The following NOP9 variants were observed in gnomAD, a reference collection of about 807,000 sequenced individuals.
NOP9 encodes the protein nucleolar protein 9.
In NOP9, 50 loss-of-function variants were observed where a neutral mutation model predicts 63.0. The observed-to-expected ratio is 0.79, with a 90% CI of 0.63 to 1.00. The LOEUF (loss-of-function observed/expected upper bound fraction) is 1.00, where lower values mean the gene tolerates loss of function less well. NOP9 is among the 50% of genes least tolerant of loss of function. The probability of loss-of-function intolerance (pLI) is 0.00; values close to 1 mark genes in which losing one functional copy is unlikely to be tolerated. For missense variants in NOP9, 758 were observed against 803.0 expected (o/e 0.94, Z 0.68); for synonymous variants, 343 against 332.8 (o/e 1.03, Z -0.33).
Position 24,302,074 on chromosome 14 carries a change from C to T in NOP9, c.918C>T (p.Tyr306=), listed in dbSNP as rs771238009. The T allele has an allele frequency of 6.2e-7, 1 of 1,614,090 alleles. No homozygotes were observed. The highest frequency in any genetic ancestry group is 8.5e-7 in the Non-Finnish European group (1 of 1,179,976). Residue 306 remains tyrosine (Y), a synonymous_variant, in exon 4 of 10, where the codon TAC becomes TAT. Coordinates refer to ENST00000267425, the MANE Select transcript of NOP9 (RefSeq NM_174913.3). ...ATCTCTGCAATGCTGTGATTGGCTA[C>T]CTGAGTACTCGCGGTTCCTCAGTAG... The part of the protein sequence containing the change: ...CAHLCNAVIG[Y]LSTRGSSVDG...
At position 24,305,766 on chromosome 14, in the gene NOP9, C is replaced by T. The variant is rs755893059; in HGVS notation, c.*671C>T. 5 of 1,613,016 alleles carry T rather than the reference C, an allele frequency of 3.1e-6. No individual in the cohort carries two copies. Among genetic ancestry groups the T allele is most frequent in the East Asian group, 2.2e-5 (1 of 44,884 alleles). ...TGTGGAGGTCCAACGAAGGAGCTCC[C>T]TGAATGGCAGAGACAAGAGGAAATC... On this transcript the variant is annotated 3_prime_UTR_variant, in exon 10 of 10. Transcript: ENST00000267425.
At chr14:24,290,810 C>T in the NOP9 span, 1 of 1,609,640 alleles carries the variant, frequency 6.2e-7, no homozygotes, top group South Asian at 1.1e-5. Flanking sequence ...GACGAACCAC[C>T]AAGTCCAAAT....
chr14:24,304,511 G>T lies in NOP9; in HGVS notation c.1666G>T (p.Ala556Ser). Residue 556 changes from alanine to serine, a missense_variant, in exon 9 of 10, where the codon GCC (alanine) becomes TCC (serine). Physicochemically the swap from Ala to Ser is moderately conservative, Grantham distance 99. Coordinates refer to ENST00000267425, the MANE Select transcript of NOP9 (RefSeq NM_174913.3). ...QNLKGQYVAL[A>S]CSRHGSRVLD... ...CATACAGGGACAATATGTGGCTCTG[G>T]CCTGTAGTCGCCATGGCAGCCGTGT... is the stretch of plus-strand genomic sequence containing the variant. 1 of 1,612,306 alleles carries T rather than the reference G, an allele frequency of 6.2e-7. No individual in the cohort carries two copies. Among genetic ancestry groups the T allele is most frequent in the South Asian group, 1.1e-5 (1 of 90,778 alleles).
At chr14:24,274,173 C>T in the NOP9 span, among the ~76,000 whole-genome samples, 1 of 152,116 alleles carries the variant, frequency 6.6e-6, no homozygotes, top group African/African-American at 2.4e-5. Flanking sequence ...CTGCTCTGTG[C>T]ACACTCATAG....
upstream of NOP9, chr14:24,298,752 A>G (rs2041308343): frequency 9.2e-6 from 6 of 649,644 alleles, no homozygotes; most frequent in East Asian, 1.9e-4. Flanking sequence ...GCTCAAACAC[A>G]AAGTTTTTTC....
chr14:24,284,227 C>T, the NOP9 span, among the ~76,000 whole-genome samples: 1 of 152,202 alleles, frequency 6.6e-6, no homozygotes, highest in South Asian at 2.1e-4. Context: ...GGCGACCCCT[C>T]CCACTCCTTT....
In NOP9 at chr14:24,305,696, G is replaced by T. The variant is rs533736186; in HGVS notation, c.*601G>T. ...CAGCCCCCTCCACTGCATGACGAAG[G>T]GTGGAGGAAATTCCCAGCAACATAT... On this transcript the variant is annotated 3_prime_UTR_variant, in exon 10 of 10. Transcript: ENST00000267425. 11 of 1,614,182 alleles carry T rather than the reference G, an allele frequency of 6.8e-6. No individual in the cohort carries two copies. In the East Asian group the frequency reaches 2.2e-4, roughly 33 times the overall value.
chr14:24,301,989 G>A lies in NOP9; in HGVS notation c.833G>A (p.Ser278Asn). Reference sequence around the variant, plus strand: ...GTGTTTATCACTGATAAGATCTCCAGCTTCTGTCTTCAAGTGGCTTTACAG... The same window carrying A: ...GTGTTTATCACTGATAAGATCTCCAACTTCTGTCTTCAAGTGGCTTTACAG... ...IAVFITDKIS[S>N]FCLQVALQVL... The change falls in exon 4 of 10, where the codon AGC becomes AAC. Residue 278 changes from serine (S) to asparagine (N), a missense_variant. By Grantham distance (46) the Ser-to-Asn change is conservative (BLOSUM62 1). Coordinates refer to ENST00000267425, the MANE Select transcript of NOP9 (RefSeq NM_174913.3). The A allele has an allele frequency of 6.2e-7, 1 of 1,613,964 alleles. No homozygotes were observed. Among genetic ancestry groups the A allele is most frequent in the Non-Finnish European group, 8.5e-7 (1 of 1,179,980 alleles).
chr14:24,304,461 T>C (rs772050643), intron 8 of NOP9, 32 bp from the exon 9 acceptor site: 10 of 1,560,510 alleles, frequency 6.4e-6, no homozygotes, highest in Non-Finnish European at 7.8e-6. Context: ...TGGATTTTGC[T>C]AGGGAGACCT....
rs2041360961 is a variant in NOP9 at position 24,300,775 on chromosome 14, C to G, written c.615C>G (p.Phe205Leu). The change falls in exon 2 of 10, where the codon TTC (phenylalanine) becomes TTG (leucine). Residue 205 changes from phenylalanine to leucine, a missense_variant. Transcript: ENST00000267425. The part of the protein sequence containing the change: ...LVYCGDTHGS[F>L]VVRTLLQVLG... ...ACTGTGGAGACACACATGGCAGCTT[C>G]GTGGTCAGAACTCTGCTTCAGGTGT... The G allele has an allele frequency of 6.2e-7, 1 of 1,614,014 alleles. No individual in the cohort carries two copies. The highest frequency in any genetic ancestry group is 1.1e-5 in the South Asian group (1 of 91,084).
At chr14:24,283,582 C>G in the NOP9 span, among the ~76,000 whole-genome samples, 2 of 152,196 alleles carry the variant, frequency 1.3e-5, no homozygotes, top group African/African-American at 4.8e-5. Context: ...CCAGCTCACG[C>G]TACAGAGTGA....
At position 24,307,545 on chromosome 14, in the gene NOP9, G is replaced by A; in HGVS notation, c.*2450G>A. On this transcript the variant is annotated 3_prime_UTR_variant, in exon 10 of 10. Coordinates refer to ENST00000267425, the MANE Select transcript of NOP9 (RefSeq NM_174913.3). ...TAGTTGAGAAGAAAAGTCAAGAAGG[G>A]GCGAGGAGGGGCTTGGTGAGTGTAA... The A allele has an allele frequency of 6.2e-7, 1 of 1,606,426 alleles. No individual in the cohort carries two copies. The highest frequency in any genetic ancestry group is 8.5e-7 in the Non-Finnish European group (1 of 1,175,348).
chr14:24,303,009 T>C, intron 5 of NOP9, 65 bp from the exon 6 acceptor site: 1 of 1,459,840 alleles, frequency 6.9e-7, no homozygotes, highest in Non-Finnish European at 9.1e-7. Context: ...GTTGGGAAGA[T>C]TTCTCTGAAT....
the NOP9 span, among the ~76,000 whole-genome samples, chr14:24,287,541 A>G: frequency 3.3e-5 from 5 of 152,102 alleles, no homozygotes; most frequent in Admixed American, 6.5e-5. Flanking sequence ...GTGGAAACCT[A>G]TCACCCACAA....
chr14:24,282,222 C>A, the NOP9 span, among the ~76,000 whole-genome samples: 1 of 152,132 alleles, frequency 6.6e-6, no homozygotes, highest in Non-Finnish European at 1.5e-5. Context: ...CACAAGAAAG[C>A]AGAAGCAGCA....
chr14:24,291,240 G>A, the NOP9 span: 10 of 1,612,590 alleles, frequency 6.2e-6, no homozygotes, highest in Admixed American at 1.7e-5. Flanking sequence ...ACAGACAGGT[G>A]GAGATGGCAG....
At chr14:24,278,934 G>C in the NOP9 span, among the ~76,000 whole-genome samples, 8 of 152,188 alleles carry the variant, frequency 5.3e-5, no homozygotes, top group African/African-American at 1.7e-4. Context: ...TGGGAGAGAA[G>C]ATTCAAGGGG....
At chr14:24,284,836 CTG>C in the NOP9 span, among the ~76,000 whole-genome samples, 1 of 152,148 alleles carries the variant, frequency 6.6e-6, no homozygotes, top group Non-Finnish European at 1.5e-5. Context: ...GGTTTGTCCA[CTG>C]GGCCCTCGTG....
At position 24,300,420 on chromosome 14, in the gene NOP9, A is replaced by G; in HGVS notation, c.260A>G (p.His87Arg). The G allele has an allele frequency of 6.2e-7, 1 of 1,612,684 alleles. No individual in the cohort carries two copies. Among genetic ancestry groups the G allele is most frequent in the Non-Finnish European group, 8.5e-7 (1 of 1,179,314 alleles). The part of the protein sequence containing the change: ...ETGEERDLMV[H>R]NIMKEVETQA... ...CTTCCCTTTTCAGATCTGATGGTGC[A>G]CAATATAATGAAGGAAGTAGAGACT... The change falls in exon 2 of 10, where the codon CAC becomes CGC. Residue 87 changes from histidine to arginine, a missense_variant. Coordinates refer to ENST00000267425, the MANE Select transcript of NOP9 (RefSeq NM_174913.3).
Sources: gnomAD v4.1 joint callset for allele counts (sites outside exome capture counted in the v4.1 genomes callset) on GRCh38, gnomAD v4.1.1 for gene constraint, MANE v1.5 for transcripts, NCBI Gene and HGNC (gene_info 2026-07-23, HGNC 2026-07-21) for gene names.